The following ALDH1L2 variants were observed in gnomAD, a reference collection of about 807,000 sequenced individuals.
ALDH1L2 encodes mitochondrial 10-formyltetrahydrofolate dehydrogenase.
A neutral mutation model predicts 111.0 loss-of-function variants in ALDH1L2; 91 were observed. That is an observed-to-expected ratio of 0.82 (90% confidence interval 0.69 to 0.98). The LOEUF is 0.98. Ranked by LOEUF, ALDH1L2 falls within the 50% of genes least tolerant of loss-of-function variation. The pLI is 0.00. For missense variants in ALDH1L2, 995 were observed against 1,126.8 expected (o/e 0.88, Z 1.67); for synonymous variants, 374 against 392.6 (o/e 0.95, Z 0.56).
intron 15 of ALDH1L2, among the ~76,000 whole-genome samples, chr12:105,044,999 A>G (rs4964324): frequency 0.37 from 56,860 of 152,004 alleles, 10,868 homozygotes; most frequent in South Asian, 0.52. Flanking sequence ...ATTTTGAAGT[A>G]TAAAATATAG....
At chr12:105,074,314 C>T (rs751212002) in intron 1 of ALDH1L2, 37 of 242,746 alleles carry the variant, frequency 1.5e-4, no homozygotes, top group Admixed American at 6.0e-4. Flanking sequence ...AAAAATTAGC[C>T]AGACGTGCTG....
At chr12:105,037,753 A>T (rs993083712) in intron 18 of ALDH1L2, among the ~76,000 whole-genome samples, 1 of 150,468 alleles carries the variant, frequency 6.6e-6, no homozygotes, top group Non-Finnish European at 1.5e-5. Flanking sequence ...TTTAGAAGCA[A>T]GCACCTATTT....
At chr12:105,072,862 T>G (rs952249439) in intron 2 of ALDH1L2, among the ~76,000 whole-genome samples, 1 of 152,268 alleles carries the variant, frequency 6.6e-6, no homozygotes, top group South Asian at 2.1e-4. Context: ...TAATCCCAGC[T>G]ACTCGGGAGG....
At chr12:105,030,519 T>C in intron 20 of ALDH1L2, 90 bp from the exon 21 acceptor site, 1 of 1,109,150 alleles carries the variant, frequency 9.0e-7, no homozygotes, top group Middle Eastern at 2.1e-4. Context: ...TATAATTTTT[T>C]CTTTCCCTCT....
rs763909728 is a variant in ALDH1L2, at chr12:105,058,075, A to G, written c.1285T>C (p.Tyr429His). Reference protein sequence around the residue: ...EDQEVELVVDYISKEVNEIMV... With the variant: ...EDQEVELVVDHISKEVNEIMV... ...TGCAACATCAAGGAAAAGCTTACATAATCTACAACCAGCTCCACCTCTTGA... is the reference window on the plus strand; with the variant it reads ...TGCAACATCAAGGAAAAGCTTACATGATCTACAACCAGCTCCACCTCTTGA... Residue 429 changes from tyrosine (Y) to histidine (H), a missense_variant and splice_region_variant, in exon 10 of 23, where the codon TAT becomes CAT. Tyr to His is a moderately conservative substitution (Grantham distance 83). Coordinates refer to ENST00000258494, the MANE Select transcript of ALDH1L2 (RefSeq NM_001034173.4). The G allele has an allele frequency of 3.1e-6, 5 of 1,611,534 alleles. No homozygotes were observed. In the South Asian group the frequency reaches 5.5e-5, roughly 18 times the overall value.
chr12:105,035,037 T>C (rs564942951), intron 18 of ALDH1L2, among the ~76,000 whole-genome samples: 1 of 152,106 alleles, frequency 6.6e-6, no homozygotes, highest in Non-Finnish European at 1.5e-5. Context: ...CTTAAATTTA[T>C]TTTTTAGAGA....
intron 8 of ALDH1L2, among the ~76,000 whole-genome samples, chr12:105,061,342 C>T (rs968500074): frequency 2.0e-5 from 3 of 152,270 alleles, no homozygotes; most frequent in Middle Eastern, 3.4e-3. Context: ...GGAATAGAGA[C>T]GCCCCCCAGG....
chr12:105,060,459 G>A (rs1238816891), intron 9 of ALDH1L2: 1 of 152,082 alleles, frequency 6.6e-6, no homozygotes, highest in Admixed American at 6.5e-5. Context: ...AACAACTTCT[G>A]GTTAGCAACA....
intron 16 of ALDH1L2, 47 bp from the exon 17 acceptor site, chr12:105,039,853 G>C: frequency 6.4e-7 from 1 of 1,563,882 alleles, no homozygotes; most frequent in Non-Finnish European, 8.8e-7. Flanking sequence ...ACTCAAGGCC[G>C]GGCGCGGTGG....
chr12:105,073,516 C>T (rs1437376030), intron 2 of ALDH1L2, among the ~76,000 whole-genome samples: 4 of 152,156 alleles, frequency 2.6e-5, no homozygotes, highest in East Asian at 3.8e-4. Flanking sequence ...CTGAAGTCCA[C>T]GTATATGGCA....
In ALDH1L2 at chr12:105,052,108, C is replaced by G. The variant is rs776282499; in HGVS notation, c.1517G>C (p.Arg506Thr). 2.2e-5 allele frequency: 36 copies of G among 1,607,552 alleles called. No homozygotes were observed. Among genetic ancestry groups the G allele is most frequent in the Admixed American group, 3.4e-5 (2 of 59,096 alleles). ...GEWGRMNARE[R>T]GRLMYRLADL... ...GAAATACCTATACATCAATCTTCCT[C>G]TTTCTCTTGCATTCATTCTTCCCCA... The change falls in exon 12 of 23, where the codon AGA (arginine) becomes ACA (threonine). Residue 506 changes from arginine (R) to threonine (T), a missense_variant. Arg to Thr is a moderately conservative substitution (Grantham distance 71, BLOSUM62 -1). Transcript: ENST00000258494.
rs761986038 is a variant in ALDH1L2, at chr12:105,061,634, G to C, written c.1040C>G (p.Thr347Ser). Residue 347 changes from threonine to serine, a missense_variant, in exon 8 of 23, where the codon ACC (threonine) becomes AGC (serine). Physicochemically the swap from Thr to Ser is moderately conservative, Grantham distance 58. Transcript: ENST00000258494. ...LTAEEVKVAETIKVIWAGILS... is the reference protein window; with the variant it reads ...LTAEEVKVAESIKVIWAGILS... Reference sequence around the variant, plus strand: ...AAGTCATCATGTGTTCACCTTGATGGTCTCTGCCACTTTCACCTCTTCAGC... The same window carrying C: ...AAGTCATCATGTGTTCACCTTGATGCTCTCTGCCACTTTCACCTCTTCAGC... 15 of 1,613,994 alleles carry C rather than the reference G, an allele frequency of 9.3e-6. No individual in the cohort carries two copies. In the East Asian group the frequency reaches 3.3e-4, roughly 36 times the overall value.
chr12:105,064,113 G>A (rs1398091615), intron 6 of ALDH1L2, among the ~76,000 whole-genome samples: 2 of 62,672 alleles, frequency 3.2e-5, no homozygotes, highest in East Asian at 6.9e-4. Context: ...ACCACACCGA[G>A]CTTTTTTTTT....
chr12:105,027,834 C>T (rs1874492098), intron 21 of ALDH1L2, among the ~76,000 whole-genome samples: 2 of 152,196 alleles, frequency 1.3e-5, no homozygotes, highest in South Asian at 4.1e-4. Flanking sequence ...AACTTTATGT[C>T]TCATATACCT....
intron 12 of ALDH1L2, chr12:105,050,754 A>T (rs1167033327): frequency 2.3e-6 from 1 of 442,780 alleles, no homozygotes; most frequent in South Asian, 1.6e-5. Flanking sequence ...TAAAGGAAAG[A>T]GGCAAGAGCA....
intron 6 of ALDH1L2, 123 bp downstream of exon 6, chr12:105,065,144 A>G (rs1877269288): frequency 1.8e-6 from 1 of 552,544 alleles, no homozygotes; most frequent in East Asian, 3.7e-5. Context: ...TAAAGGGGAG[A>G]GTGAATCACA....
chr12:105,081,118 A>G (rs1440754949), intron 1 of ALDH1L2, among the ~76,000 whole-genome samples: 1 of 152,206 alleles, frequency 6.6e-6, no homozygotes, highest in Non-Finnish European at 1.5e-5. Context: ...TACAAATATT[A>G]CCCGTTTTAT....
intron 1 of ALDH1L2, among the ~76,000 whole-genome samples, chr12:105,081,771 C>T (rs1388851833): frequency 6.6e-6 from 1 of 152,202 alleles, no homozygotes; most frequent in Admixed American, 6.5e-5. Context: ...TGAATTCTAT[C>T]AAGAAGTGTT....
intron 20 of ALDH1L2, 112 bp downstream of exon 20, chr12:105,031,657 T>C: frequency 6.9e-7 from 1 of 1,457,636 alleles, no homozygotes; most frequent in East Asian, 2.3e-5. Flanking sequence ...CTGGGCTAAT[T>C]TTTGGTAGAG....
Sources: allele counts gnomAD v4.1 joint callset (sites outside exome capture counted in the v4.1 genomes callset), GRCh38; gene constraint gnomAD v4.1.1; transcripts MANE v1.5; gene names NCBI Gene and HGNC (gene_info 2026-07-23, HGNC 2026-07-21).